Variants in GRIK4 observed in about 807,000 individuals in gnomAD.
GRIK4 encodes glutamate ionotropic receptor kainate type subunit 4.
Under a neutral mutation model 104.9 loss-of-function variants are expected in GRIK4, and 40 were observed. That is an observed-to-expected ratio of 0.38 (90% CI 0.30 to 0.50). The LOEUF (loss-of-function observed/expected upper bound fraction) is 0.50. Ranked by LOEUF, GRIK4 falls within the 20% of genes least tolerant of loss-of-function variation. The probability of loss-of-function intolerance (pLI) is 0.93; values close to 1 mark genes in which losing one functional copy is unlikely to be tolerated. For synonymous variants in GRIK4, 485 were observed against 524.9 expected (o/e 0.92, Z 1.04); for missense variants, 1,047 against 1,308.1 (o/e 0.80, Z 3.08).
chr11:120,656,241 C>T (rs910176489), intron 2 of GRIK4, among the ~76,000 whole-genome samples: 1 of 152,208 alleles, frequency 6.6e-6, no homozygotes, highest in Admixed American at 6.5e-5. Flanking sequence ...TCTTTCTGCT[C>T]TGTAGCAGTT....
chr11:120,871,756 T>A (rs1168181104), intron 9 of GRIK4: 2 of 454,400 alleles, frequency 4.4e-6, no homozygotes, highest in Admixed American at 4.7e-5. Flanking sequence ...AAAGTGGGAA[T>A]AAAGCAAAGA....
At chr11:120,598,667 C>G (rs1392833899) in intron 1 of GRIK4, among the ~76,000 whole-genome samples, 1 of 152,216 alleles carries the variant, frequency 6.6e-6, no homozygotes, top group East Asian at 1.9e-4. Context: ...TCAGTATCAG[C>G]TGTGGCAAGG....
chr11:120,526,857 AG>A (rs1449039028), intron 1 of GRIK4, among the ~76,000 whole-genome samples: 2 of 152,226 alleles, frequency 1.3e-5, no homozygotes, highest in African/African-American at 2.4e-5. Flanking sequence ...CTCAAAAAAA[AG>A]AAAAAAAAAG....
In GRIK4 at chr11:120,903,168, C is replaced by T. The variant is rs1193531234; in HGVS notation, c.1273-2122C>T. Among the ~76,000 whole-genome samples, 4 of 152,146 alleles carry T rather than the reference C, an allele frequency of 2.6e-5. No individual in the cohort carries two copies. Among genetic ancestry groups the T allele is most frequent in the African/African-American group, 9.7e-5 (4 of 41,426 alleles). The stretch of plus-strand genomic sequence containing the variant: ...TGATGTGCAGGTTTCTCCATGCACA[C>T]CTGTACCCAAGCCCGATTGTCCCTG... On this transcript the variant is annotated intron_variant, in intron 12 of 20. Coordinates refer to ENST00000527524, the MANE Select transcript of GRIK4 (RefSeq NM_014619.5). The surrounding 1 kb of genome is among the most constrained non-coding windows in gnomAD (Gnocchi z 4.4).
chr11:120,535,356 A>C, intron 1 of GRIK4, among the ~76,000 whole-genome samples: 1 of 148,026 alleles, frequency 6.8e-6, no homozygotes, highest in Non-Finnish European at 1.5e-5. Flanking sequence ...CAAGGAAGGA[A>C]GAGGGGAGTG....
intron 3 of GRIK4, among the ~76,000 whole-genome samples, chr11:120,742,114 G>A (rs1210225712): frequency 6.6e-6 from 1 of 152,296 alleles, no homozygotes; most frequent in Middle Eastern, 3.4e-3. Context: ...GAGAGGCTGA[G>A]GTTGGTGGAT....
intron 1 of GRIK4, among the ~76,000 whole-genome samples, chr11:120,643,210 T>C (rs950052174): frequency 6.6e-6 from 1 of 152,062 alleles, no homozygotes; most frequent in Non-Finnish European, 1.5e-5. Flanking sequence ...TATAACAAGC[T>C]ACAAGGGGAT....
intron 1 of GRIK4, among the ~76,000 whole-genome samples, chr11:120,570,987 A>G (rs1948390437): frequency 6.6e-6 from 1 of 152,128 alleles, no homozygotes; most frequent in Non-Finnish European, 1.5e-5. Context: ...TGTCCTTACC[A>G]ATAGCCTCTC....
intron 19 of GRIK4, among the ~76,000 whole-genome samples, chr11:120,974,200 AC>A (rs1325692526): frequency 1.3e-5 from 2 of 152,064 alleles, no homozygotes; most frequent in African/African-American, 4.8e-5. Flanking sequence ...GAGCCACCAC[AC>A]CCGGGCTTTA....
chr11:120,520,151 C>A (rs559616733), intron 1 of GRIK4, among the ~76,000 whole-genome samples: 24 of 152,240 alleles, frequency 1.6e-4, no homozygotes, highest in Admixed American at 3.3e-4. Context: ...CCTCAGCCCC[C>A]CAAAGTGCTG....
chr11:120,741,572 C>T (rs1440194184), intron 3 of GRIK4, among the ~76,000 whole-genome samples: 1 of 152,192 alleles, frequency 6.6e-6, no homozygotes, highest in Non-Finnish European at 1.5e-5. Flanking sequence ...GCCACCATGC[C>T]TGGCCCTGGC....
intron 4 of GRIK4, among the ~76,000 whole-genome samples, chr11:120,811,801 C>T (rs1045978402): frequency 6.6e-6 from 1 of 152,026 alleles, no homozygotes; most frequent in Non-Finnish European, 1.5e-5. Flanking sequence ...GGCATACAGC[C>T]CACATTTTAT....
intron 13 of GRIK4, among the ~76,000 whole-genome samples, chr11:120,929,037 GTGTGTC>G (rs1943424136): frequency 6.6e-6 from 1 of 151,136 alleles, no homozygotes; most frequent in Non-Finnish European, 1.5e-5. Flanking sequence ...GTGTGTGTGT[GTGTGTC>G]TGTGTGTTGG....
At chr11:120,518,059 T>A in intron 1 of GRIK4, among the ~76,000 whole-genome samples, 1 of 152,190 alleles carries the variant, frequency 6.6e-6, no homozygotes, top group Non-Finnish European at 1.5e-5. Flanking sequence ...TTCTCCAGCC[T>A]GGGGAGGCTG....
In GRIK4 at chr11:120,618,154, G is replaced by A. The variant is rs531870398; in HGVS notation, c.-158-35531G>A. Among the ~76,000 whole-genome samples, 14 of 152,252 alleles carry A rather than the reference G, an allele frequency of 9.2e-5. No homozygotes were observed. The East Asian group carries it at 2.7e-3, about 29-fold the overall frequency. ...GGAGATGAGAAACTTATTGGAAACT[G>A]GAGTAAAAGGTCACTTTTACTATGT... On this transcript the variant is annotated intron_variant, in intron 1 of 20. Coordinates refer to ENST00000527524, the MANE Select transcript of GRIK4 (RefSeq NM_014619.5).
At chr11:120,625,876 C>G (rs1187305892) in intron 1 of GRIK4, among the ~76,000 whole-genome samples, 1 of 151,730 alleles carries the variant, frequency 6.6e-6, no homozygotes, top group Non-Finnish European at 1.5e-5. Flanking sequence ...CACCCGTGCC[C>G]CACCTCAGGC....
intron 3 of GRIK4, among the ~76,000 whole-genome samples, chr11:120,801,474 G>A (rs954944623): frequency 1.2e-4 from 18 of 152,140 alleles, no homozygotes; most frequent in East Asian, 9.6e-4. Flanking sequence ...TGATCTGCCC[G>A]CCTCAGCCTT....
chr11:120,561,928 TA>T (rs1366328472), intron 1 of GRIK4, among the ~76,000 whole-genome samples: 22 of 152,208 alleles, frequency 1.4e-4, no homozygotes, highest in Admixed American at 1.4e-3. Context: ...GGGTGCCAAA[TA>T]AGGCAAAGAA....
intron 1 of GRIK4, among the ~76,000 whole-genome samples, chr11:120,609,757 A>G (rs889616342): frequency 1.3e-5 from 2 of 151,928 alleles, no homozygotes; most frequent in Non-Finnish European, 2.9e-5. Flanking sequence ...CAGGTGATCC[A>G]TCTGCCTCGG....
Sources: gnomAD v4.1 joint callset for allele counts (sites outside exome capture counted in the v4.1 genomes callset) on GRCh38, gnomAD v4.1.1 for gene constraint, Gnocchi (gnomAD v3.1) non-coding constraint, MANE v1.5 for transcripts, NCBI Gene and HGNC (gene_info 2026-07-23, HGNC 2026-07-21) for gene names.